The following PRR5 variants were observed in gnomAD, a reference collection of about 807,000 sequenced individuals.
PRR5 encodes the protein proline-rich protein 5.
PRR5 carries 25 observed loss-of-function variants against 30.6 expected under a neutral mutation model. That is an observed-to-expected ratio of 0.82 (90% CI 0.60 to 1.14). The LOEUF (loss-of-function observed/expected upper bound fraction) is 1.14, where lower values mean the gene tolerates loss of function less well. PRR5 is among the 50% of genes most tolerant of loss of function. PRR5 has a pLI of 0.00. For synonymous variants in PRR5, 286 were observed against 247.1 expected, an observed-to-expected ratio of 1.16 and a Z score of -1.48; for missense variants, 600 against 547.1, an observed-to-expected ratio of 1.10 and a Z score of -0.96.
intron 1 of PRR5, among the ~76,000 whole-genome samples, chr22:44,694,047 A>T (rs1452887248): frequency 6.6e-6 from 1 of 152,118 alleles, no homozygotes; most frequent in Non-Finnish European, 1.5e-5. Context: ...TGTCACATTC[A>T]TAGGTGCCAA....
upstream of PRR5, among the ~76,000 whole-genome samples, chr22:44,675,031 G>A (rs1923649100): frequency 1.3e-5 from 2 of 150,042 alleles, no homozygotes; most frequent in Admixed American, 1.3e-4. Flanking sequence ...GGTGGATCAC[G>A]AGATCAGGAG....
At chr22:44,726,279 A>G (rs924870312) in intron 3 of PRR5, among the ~76,000 whole-genome samples, 6 of 152,200 alleles carry the variant, frequency 3.9e-5, no homozygotes, top group African/African-American at 1.4e-4. Context: ...ACTGTGGGAC[A>G]TGCCAGGCTT....
At chr22:44,692,434 C>T (rs1925348242) in intron 1 of PRR5, among the ~76,000 whole-genome samples, 1 of 143,674 alleles carries the variant, frequency 7.0e-6, no homozygotes, top group African/African-American at 2.6e-5. Context: ...CCGGGGGCTC[C>T]TCCTCCTGGG....
chr22:44,735,557 C>T (rs996127415), intron 7 of PRR5, among the ~76,000 whole-genome samples: 7 of 152,176 alleles, frequency 4.6e-5, no homozygotes, highest in Non-Finnish European at 1.0e-4. Flanking sequence ...CAGGCTGAGC[C>T]CTGTGGGCAG....
intron 1 of PRR5, among the ~76,000 whole-genome samples, chr22:44,683,185 C>G (rs1924444626): frequency 6.6e-6 from 1 of 152,208 alleles, no homozygotes; most frequent in Non-Finnish European, 1.5e-5. Context: ...CTCAGGCTGC[C>G]TGCAAGAAGC....
At chr22:44,725,139 C>T (rs761238842) in intron 2 of PRR5, 105 bp from the exon 3 acceptor site, 8 of 1,530,568 alleles carry the variant, frequency 5.2e-6, no homozygotes, top group Non-Finnish European at 7.1e-6. Context: ...GCTGGCTGAG[C>T]ATGCTGATCT....
intron 1 of PRR5, among the ~76,000 whole-genome samples, chr22:44,678,464 G>A (rs183508504): frequency 2.3e-3 from 348 of 151,660 alleles, no homozygotes; most frequent in Non-Finnish European, 3.1e-3. Flanking sequence ...ACAGGCGCCC[G>A]CCACCACACC....
At chr22:44,725,817 A>G (rs1920934392) in intron 3 of PRR5, among the ~76,000 whole-genome samples, 1 of 152,094 alleles carries the variant, frequency 6.6e-6, no homozygotes, top group African/African-American at 2.4e-5. Flanking sequence ...GGTACCCACC[A>G]TCTTGCCCAG....
chr22:44,694,254 CT>C (rs927165411), intron 1 of PRR5, among the ~76,000 whole-genome samples: 2 of 152,186 alleles, frequency 1.3e-5, no homozygotes, highest in African/African-American at 4.8e-5. Context: ...AAGGTGACTG[CT>C]GGCCAGGTGT....
At chr22:44,679,745 C>G (rs1024934840) in intron 1 of PRR5, 1 of 1,438,152 alleles carries the variant, frequency 7.0e-7, no homozygotes, top group East Asian at 2.5e-5. Context: ...GACTCAGCCT[C>G]CCCGCTCTGG....
intron 1 of PRR5, among the ~76,000 whole-genome samples, chr22:44,709,573 G>A (rs1486702864): frequency 6.6e-6 from 1 of 152,138 alleles, no homozygotes; most frequent in Non-Finnish European, 1.5e-5. Context: ...GAACTTCCAG[G>A]CCAGGCGCAG....
rs772844290 is a variant in PRR5 at position 44,726,648 on chromosome 22, C to T, written c.322+14C>T. 10 of 1,613,896 alleles carry T rather than the reference C, an allele frequency of 6.2e-6. No homozygotes were observed. Among genetic ancestry groups the T allele is most frequent in the Non-Finnish European group, 3.4e-6 (4 of 1,180,036 alleles). On this transcript the variant is annotated intron_variant, in intron 4 of 7. Coordinates refer to ENST00000336985, the MANE Select transcript of PRR5 (RefSeq NM_181333.4). ...GCTTCTATGAGGGTGAGTGTGGGCC[C>T]CTTGGCGGCCACTCTGGGCCATGCT...
chr22:44,733,057 C>T (rs530676588), intron 6 of PRR5, among the ~76,000 whole-genome samples: 20 of 152,396 alleles, frequency 1.3e-4, no homozygotes, highest in African/African-American at 4.8e-4. Flanking sequence ...CATGCACGCA[C>T]ACATACACAC....
chr22:44,705,718 G>A (rs899359408), intron 1 of PRR5, among the ~76,000 whole-genome samples: 4 of 151,520 alleles, frequency 2.6e-5, no homozygotes, highest in Non-Finnish European at 5.9e-5. Flanking sequence ...TCCACCTCCC[G>A]GGTTCAAGTG....
intron 2 of PRR5, among the ~76,000 whole-genome samples, chr22:44,717,284 C>T (rs909652785): frequency 6.0e-5 from 9 of 151,128 alleles, no homozygotes; most frequent in African/African-American, 9.7e-5. Flanking sequence ...CTCCGCCTCC[C>T]GGGTTCAAGC....
chr22:44,708,826 G>A (rs1927655669), intron 1 of PRR5, among the ~76,000 whole-genome samples: 1 of 151,926 alleles, frequency 6.6e-6, no homozygotes, highest in African/African-American at 2.4e-5. Context: ...AATTAGCCCA[G>A]CGTGGTGGTG....
chr22:44,731,556 C>A, intron 4 of PRR5, 174 bp from the exon 5 acceptor site: 1 of 644,530 alleles, frequency 1.6e-6, no homozygotes, highest in Non-Finnish European at 2.8e-6. Flanking sequence ...AAGCAGTGGG[C>A]CCAGGGCCAT....
At chr22:44,728,030 C>G (rs1921181595) in intron 4 of PRR5, among the ~76,000 whole-genome samples, 1 of 152,242 alleles carries the variant, frequency 6.6e-6, no homozygotes, top group South Asian at 2.1e-4. Flanking sequence ...CCCACCAGAT[C>G]TGGCCTAGGG....
intron 1 of PRR5, among the ~76,000 whole-genome samples, chr22:44,669,068 C>A (rs1389328580): frequency 2.7e-5 from 4 of 150,172 alleles, no homozygotes; most frequent in South Asian, 4.2e-4. Flanking sequence ...CCCAGCCTCC[C>A]GGGACCTCCC....
Sources: gnomAD v4.1 joint callset for allele counts (sites outside exome capture counted in the v4.1 genomes callset) on GRCh38, gnomAD v4.1.1 for gene constraint, MANE v1.5 for transcripts, NCBI Gene and HGNC (gene_info 2026-07-23, HGNC 2026-07-21) for gene names.